The following PKIA variants were observed in gnomAD, a reference collection of about 807,000 sequenced individuals.
PKIA encodes the protein PKI-alpha.
In PKIA, 4 loss-of-function variants were observed where a neutral mutation model predicts 7.6. The observed-to-expected ratio is 0.52, with a 90% CI of 0.26 to 1.20. The LOEUF (loss-of-function observed/expected upper bound fraction) is 1.20, where lower values mean the gene tolerates loss of function less well. Among genes scored for constraint, PKIA ranks in the 50% most tolerant of loss-of-function variants. The pLI, the probability that PKIA is intolerant of heterozygous loss-of-function variation, is 0.13. For missense variants in PKIA, 73 were observed against 86.2 expected, an observed-to-expected ratio of 0.85 and a Z score of 0.61; for synonymous variants, 21 against 30.7, an observed-to-expected ratio of 0.68 and a Z score of 1.04.
At chr8:78,539,204 A>T (rs1806611581) in intron 1 of PKIA, among the ~76,000 whole-genome samples, 1 of 152,124 alleles carries the variant, frequency 6.6e-6, no homozygotes, top group South Asian at 2.1e-4. Context: ...TATATCAAAG[A>T]TAAAAGTGGT....
chr8:78,603,011 T>C lies in PKIA; in HGVS notation c.*1190T>C, dbSNP rs1194980276. 6.6e-6 allele frequency: 1 copy of C among 152,394 alleles called. No individual in the cohort carries two copies. The highest frequency in any genetic ancestry group is 1.5e-5 in the Non-Finnish European group (1 of 67,948). 9.4% of individuals were successfully genotyped at this position (152,394 alleles called of 1,614,324 possible). A position where few individuals can be genotyped will look rare whatever the true frequency, so the allele number is the denominator to read the frequency against. ...GCACTTTTTAATGTTTGTAAACTTT[T>C]ACTAATAATTAGTGTGAATTGCATT... is the stretch of plus-strand genomic sequence containing the variant. On this transcript the variant is annotated 3_prime_UTR_variant, in exon 4 of 4. Coordinates refer to ENST00000396418, the MANE Select transcript of PKIA (RefSeq NM_006823.4).
intron 3 of PKIA, among the ~76,000 whole-genome samples, chr8:78,598,897 A>T (rs1458933791): frequency 6.6e-6 from 1 of 152,064 alleles, no homozygotes; most frequent in Admixed American, 6.6e-5. Context: ...CACCTCTAAC[A>T]TTTACTAGGT....
intron 1 of PKIA, among the ~76,000 whole-genome samples, chr8:78,566,180 G>C (rs143444817): frequency 2.6e-5 from 4 of 152,092 alleles, no homozygotes; most frequent in Non-Finnish European, 5.9e-5. Context: ...TTATTTTTAA[G>C]AGCTAAGCAC....
rs533159794 is a variant in PKIA at position 78,598,096 on chromosome 8, T to C, written c.-27-262T>C. ...ATTATTAATTATTAATAATAATTAA[T>C]ATTATTACATTTAATATTAATATAT... On this transcript the variant is annotated intron_variant, in intron 2 of 3. Coordinates refer to ENST00000396418, the MANE Select transcript of PKIA (RefSeq NM_006823.4). Among the ~76,000 whole-genome samples, 9 of 148,202 alleles carry C rather than the reference T, an allele frequency of 6.1e-5. No homozygotes were observed. The East Asian group carries it at 1.8e-3, about 29-fold the overall frequency.
intron 1 of PKIA, among the ~76,000 whole-genome samples, chr8:78,553,089 GAA>G (rs200519145): frequency 3.9e-4 from 48 of 121,612 alleles, no homozygotes; most frequent in Non-Finnish European, 4.6e-4. Flanking sequence ...CCATTTGCAG[GAA>G]AAAAAAAAAA....
At position 78,524,026 on chromosome 8, in the gene PKIA, ATATAAACG is replaced by A. The variant is rs1309017665; in HGVS notation, c.-157+7560_-157+7567del. ...TATATATAAATATATATAAACGTTTATATAAACGTTTATATATATAAATATATATAAAC... is the reference window on the plus strand; with the variant it reads ...TATATATAAATATATATAAACGTTTATTTATATATATAAATATATATAAAC... On this transcript the variant is annotated intron_variant, in intron 1 of 3. Transcript: ENST00000396418. 3.9e-3 allele frequency among the ~76,000 whole-genome samples: 527 copies of A among 134,628 alleles called. 3 individuals are homozygous for A. Among genetic ancestry groups the A allele is most frequent in the African/African-American group, 6.5e-3 (234 of 36,240 alleles). The allele number at this position is 134,628 out of a possible 152,430, so 88.3% of individuals were successfully genotyped here.
At position 78,527,596 on chromosome 8, in the gene PKIA, A is replaced by G. The variant is rs531014101; in HGVS notation, c.-157+11128A>G. ...AGAATATGTTTAAGATTTTAAAGTG[A>G]TTTATTTAATAAATGAGTATGAATA... On this transcript the variant is annotated intron_variant, in intron 1 of 3. Transcript: ENST00000396418. Among the ~76,000 whole-genome samples, 27 of 152,156 alleles carry G rather than the reference A, an allele frequency of 1.8e-4. No homozygotes were observed. The South Asian group carries it at 5.4e-3, about 30-fold the overall frequency.
chr8:78,600,194 G>A (rs1808320472), intron 3 of PKIA, among the ~76,000 whole-genome samples: 1 of 151,666 alleles, frequency 6.6e-6, no homozygotes, highest in Non-Finnish European at 1.5e-5. Context: ...TTTATTCTAA[G>A]TACAAAAAAC....
rs930101932 is a variant in PKIA, at chr8:78,576,431, C to T, written c.-28+3492C>T. ...GCTAATATTACCTGTTAATAAGAGT[C>T]GATTTTCTTAACAAAGAAGAATAAA... On this transcript the variant is annotated intron_variant, in intron 2 of 3. Transcript: ENST00000396418. 5.3e-5 allele frequency among the ~76,000 whole-genome samples: 8 copies of T among 151,958 alleles called. No individual in the cohort carries two copies. The East Asian group carries it at 1.2e-3, about 22-fold the overall frequency.
chr8:78,549,787 CAG>C (rs1806937517), intron 1 of PKIA, among the ~76,000 whole-genome samples: 2 of 150,702 alleles, frequency 1.3e-5, no homozygotes, highest in South Asian at 2.1e-4. Flanking sequence ...TGAGCCTACT[CAG>C]AGTCTCAGTG....
chr8:78,601,863 A>T lies in PKIA; in HGVS notation c.*42A>T. On this transcript the variant is annotated 3_prime_UTR_variant, in exon 4 of 4. Transcript: ENST00000396418. ...TCGACCACACCTGAAAATGTCTCAA[A>T]TCTCCAGGAGTATCTGGAATGCATT... is the stretch of plus-strand genomic sequence containing the variant. 1 of 1,429,410 alleles carries T rather than the reference A, an allele frequency of 7.0e-7. No individual in the cohort carries two copies. Among genetic ancestry groups the T allele is most frequent in the Non-Finnish European group, 9.9e-7 (1 of 1,015,138 alleles). 88.5% of individuals were successfully genotyped at this position (1,429,410 alleles called of 1,614,324 possible). A position where few individuals can be genotyped will look rare whatever the true frequency, so the allele number is the denominator to read the frequency against.
Position 78,604,622 on chromosome 8 carries a change from G to A in PKIA, c.*2801G>A, listed in dbSNP as rs541891381. 3 of 151,950 alleles carry A rather than the reference G, an allele frequency of 2.0e-5. No homozygotes were observed. The highest frequency in any genetic ancestry group is 4.2e-4 in the South Asian group (2 of 4,808). The allele number at this position is 151,950 out of a possible 1,614,324, so 9.4% of individuals were successfully genotyped here. ...AAGAAATTCAATTATGTCTTATTTG[G>A]GGGGTATATTTCCCAGAAGATATTT... On this transcript the variant is annotated 3_prime_UTR_variant, in exon 4 of 4. Transcript: ENST00000396418.
At chr8:78,577,931 T>A (rs1323326650) in intron 2 of PKIA, among the ~76,000 whole-genome samples, 2 of 152,010 alleles carry the variant, frequency 1.3e-5, no homozygotes, top group Non-Finnish European at 2.9e-5. Context: ...TGGAAATGTA[T>A]CTCTTACTTT....
chr8:78,577,579 A>G (rs773706248), intron 2 of PKIA, among the ~76,000 whole-genome samples: 3 of 151,934 alleles, frequency 2.0e-5, no homozygotes, highest in Admixed American at 1.3e-4. Context: ...TTCATGACAT[A>G]CCTAAATTTA....
At chr8:78,566,396 G>C (rs191289323) in intron 1 of PKIA, among the ~76,000 whole-genome samples, 4 of 152,016 alleles carry the variant, frequency 2.6e-5, no homozygotes, top group Admixed American at 2.0e-4. Flanking sequence ...TATACTTCTG[G>C]GTAAAATGTT....
At chr8:78,553,817 C>T (rs1807052661) in intron 1 of PKIA, among the ~76,000 whole-genome samples, 1 of 151,214 alleles carries the variant, frequency 6.6e-6, no homozygotes, top group Non-Finnish European at 1.5e-5. Flanking sequence ...TTTTATAACA[C>T]CACAAAAGGT....
rs1808444419 is a variant in PKIA at position 78,605,266 on chromosome 8, T to C, written c.*3445T>C. 6.6e-6 allele frequency: 1 copy of C among 152,006 alleles called. No homozygotes were observed. The highest frequency in any genetic ancestry group is 2.1e-4 in the South Asian group (1 of 4,834). 9.4% of individuals were successfully genotyped at this position (152,006 alleles called of 1,614,324 possible). ...AAAAGTAACACATTTTTCTGAAATG[T>C]ACACAGTCTATTAAGAGTATTTATT... On this transcript the variant is annotated 3_prime_UTR_variant, in exon 4 of 4. Transcript: ENST00000396418.
At chr8:78,534,612 G>C (rs1217229750) in intron 1 of PKIA, 3 of 152,072 alleles carry the variant, frequency 2.0e-5, no homozygotes, top group Admixed American at 6.6e-5. Flanking sequence ...TGGTCACTAA[G>C]GCATCAAAGA....
chr8:78,540,206 A>G lies in PKIA; in HGVS notation c.-157+23738A>G, dbSNP rs527947958. On this transcript the variant is annotated intron_variant, in intron 1 of 3. Coordinates refer to ENST00000396418, the MANE Select transcript of PKIA (RefSeq NM_006823.4). Reference sequence around the variant, plus strand: ...AATGCTAGGAGGAAAACGAAAAATAAAAATATAGGTCTCGAGGGTGCCAGC... The same window carrying G: ...AATGCTAGGAGGAAAACGAAAAATAGAAATATAGGTCTCGAGGGTGCCAGC... Among the ~76,000 whole-genome samples, 9 of 152,108 alleles carry G rather than the reference A, an allele frequency of 5.9e-5. No homozygotes were observed. In the South Asian group the frequency reaches 1.9e-3, roughly 32 times the overall value.
Sources: gnomAD v4.1 joint callset for allele counts (sites outside exome capture counted in the v4.1 genomes callset) on GRCh38, gnomAD v4.1.1 for gene constraint, MANE v1.5 for transcripts, NCBI Gene and HGNC (gene_info 2026-07-23, HGNC 2026-07-21) for gene names.